RASIP1: variants seen among roughly 807,000 people sequenced by gnomAD.
RASIP1 encodes Ras interacting protein 1, also known as ras-interacting protein 1.
In RASIP1, 20 loss-of-function variants were observed where a neutral mutation model predicts 85.3. That is an observed-to-expected ratio of 0.23 (90% CI 0.17 to 0.34). RASIP1 has a LOEUF of 0.34. Among genes scored for constraint, RASIP1 ranks in the 10% least tolerant of loss-of-function variants. The probability of loss-of-function intolerance (pLI) is 1.00; values close to 1 mark genes in which losing one functional copy is unlikely to be tolerated. For missense variants in RASIP1, 1,170 were observed against 1,390.9 expected (o/e 0.84, Z 2.53); for synonymous variants, 617 against 647.1 (o/e 0.95, Z 0.71).
chr19:48,727,741 C>T (rs939406716), intron 5 of RASIP1, among the ~76,000 whole-genome samples: 7 of 145,596 alleles, frequency 4.8e-5, no homozygotes, highest in Admixed American at 2.2e-4. Flanking sequence ...GGCTGGGGTG[C>T]AATGGCTCAA....
At position 48,739,381 on chromosome 19, in the gene RASIP1, C is replaced by G; in HGVS notation, c.402G>C (p.Glu134Asp). The G allele has an allele frequency of 1.5e-6, 2 of 1,343,712 alleles. No individual in the cohort carries two copies. The highest frequency in any genetic ancestry group is 1.9e-6 in the Non-Finnish European group (2 of 1,052,808). The allele number at this position is 1,343,712 out of a possible 1,614,324, so 83.2% of individuals were successfully genotyped here. ...LPELAAGVAP[E>D]PPLATRATAP... ...CCGTGGCGCGGGTAGCCAGCGGGGG[C>G]TCGGGGGCCACGCCCGCCGCCAGCT... is the stretch of plus-strand genomic sequence containing the variant. Residue 134 changes from glutamate (E) to aspartate (D), a missense_variant, in exon 3 of 12, where the codon GAG (glutamate) becomes GAC (aspartate). This residue lies in a region of RASIP1 where 299 missense variants were observed against 394.4 expected (regional missense o/e 0.76). Coordinates refer to ENST00000222145, the MANE Select transcript of RASIP1 (RefSeq NM_017805.3). The surrounding 1 kb of genome is among the most constrained non-coding windows in gnomAD (Gnocchi z 9.2).
At position 48,729,537 on chromosome 19, in the gene RASIP1, C is replaced by T. The variant is rs756701503; in HGVS notation, c.1233G>A (p.Gly411=). 17 of 1,601,972 alleles carry T rather than the reference C, an allele frequency of 1.1e-5. No individual in the cohort carries two copies. The South Asian group carries it at 1.7e-4, about 16-fold the overall frequency. The change falls in exon 5 of 12, where the codon GGG becomes GGA. Residue 411 remains glycine, a synonymous_variant. Coordinates refer to ENST00000222145, the MANE Select transcript of RASIP1 (RefSeq NM_017805.3). ...TREQHVFGRG[G]NSSGRGGSPA... is the part of the protein sequence containing the mutation. ...GGGACCCCCCGCGGCCAGACGAGTT[C>T]CCACCTCGCCCAAACACGTGCTGCT...
At chr19:48,725,984 T>C (rs919989256) in intron 8 of RASIP1, among the ~76,000 whole-genome samples, 6 of 152,166 alleles carry the variant, frequency 3.9e-5, no homozygotes, top group Non-Finnish European at 8.8e-5. Context: ...TGGAGTGCAA[T>C]GGTGCGATTT....
At position 48,724,442 on chromosome 19, in the gene RASIP1, C is replaced by A. The variant is rs759308932; in HGVS notation, c.2439G>T (p.Leu813Phe). Residue 813 changes from leucine to phenylalanine, a missense_variant, in exon 10 of 12, where the codon TTG becomes TTT. Leu to Phe is a conservative substitution (Grantham distance 22). Around this residue, in one of 4 missense-constraint regions of RASIP1, gnomAD observed 426 missense variants for 576.2 expected, o/e 0.74. Transcript: ENST00000222145. The surrounding 1 kb of genome is among the most constrained non-coding windows in gnomAD (Gnocchi z 4.6). ...VQIRTNLDLV[L>F]DWLQGAGLGD... Reference sequence around the variant, plus strand: ...CCAGCCCAGCTCCCTGTAGCCAGTCCAAGACGAGGTCCAGGTTGGTTCGGA... The same window carrying A: ...CCAGCCCAGCTCCCTGTAGCCAGTCAAAGACGAGGTCCAGGTTGGTTCGGA... 7 of 1,614,112 alleles carry A rather than the reference C, an allele frequency of 4.3e-6. No homozygotes were observed. The East Asian group carries it at 1.3e-4, about 31-fold the overall frequency.
At chr19:48,725,081 C>T (rs1407107455) in intron 8 of RASIP1, 121 bp from the exon 9 acceptor site, 4 of 1,201,950 alleles carry the variant, frequency 3.3e-6, no homozygotes, top group African/African-American at 3.1e-5. Flanking sequence ...GTAGTCCATT[C>T]TACAGTCAAC....
intron 4 of RASIP1, among the ~76,000 whole-genome samples, chr19:48,730,031 T>C (rs752614620): frequency 1.3e-5 from 2 of 151,976 alleles, no homozygotes; most frequent in Non-Finnish European, 2.9e-5. Context: ...CGACTTTGAA[T>C]AGACACTCCA....
At position 48,727,378 on chromosome 19, in the gene RASIP1, C is replaced by T; in HGVS notation, c.1871+15G>A. On this transcript the variant is annotated intron_variant, in intron 6 of 11. Coordinates refer to ENST00000222145, the MANE Select transcript of RASIP1 (RefSeq NM_017805.3). Reference sequence around the variant, plus strand: ...CTGCATCCCTCCAGACCACTCTGCTCAGAATTTCTCTTACTTTTCTGGCTG... The same window carrying T: ...CTGCATCCCTCCAGACCACTCTGCTTAGAATTTCTCTTACTTTTCTGGCTG... 1 of 1,613,286 alleles carries T rather than the reference C, an allele frequency of 6.2e-7. No individual in the cohort carries two copies. The highest frequency in any genetic ancestry group is 1.1e-5 in the South Asian group (1 of 91,052).
intron 10 of RASIP1, among the ~76,000 whole-genome samples, chr19:48,722,582 C>T (rs1034762627): frequency 6.6e-6 from 1 of 152,110 alleles, no homozygotes. Flanking sequence ...TGAGCCACTG[C>T]GCCCAGTTGG....
chr19:48,722,478 C>T (rs368421875), intron 10 of RASIP1, among the ~76,000 whole-genome samples: 17 of 151,892 alleles, frequency 1.1e-4, no homozygotes, highest in African/African-American at 4.1e-4. Context: ...TACAGGCACA[C>T]GCCACCACAC....
rs1271598762 is a variant in RASIP1, at chr19:48,729,211, CAGG to C, written c.1556_1558del (p.Ser519del). On this transcript the variant is annotated inframe_deletion, in exon 5 of 12. Coordinates refer to ENST00000222145, the MANE Select transcript of RASIP1 (RefSeq NM_017805.3). ...CTGCAGGCCGCGGCCGCACAGGCGA[CAGG>C]AGAAGGCCCAGCCAGGGCCTGGCGG... 7.4e-7 allele frequency: 1 copy of C among 1,353,848 alleles called. No homozygotes were observed. Among genetic ancestry groups the C allele is most frequent in the Admixed American group, 4.1e-5 (1 of 24,246 alleles). 83.9% of individuals were successfully genotyped at this position (1,353,848 alleles called of 1,614,324 possible).
At chr19:48,735,961 A>C (rs1315202523) in intron 3 of RASIP1, among the ~76,000 whole-genome samples, 2 of 151,318 alleles carry the variant, frequency 1.3e-5, no homozygotes, top group African/African-American at 4.9e-5. Flanking sequence ...ACGCCCGGTT[A>C]ATTTTTGTAT....
rs139083976 is a variant in RASIP1 at position 48,731,114 on chromosome 19, A to C, written c.1180-1524T>G. Among the ~76,000 whole-genome samples, 1,333 of 152,224 alleles carry C rather than the reference A, an allele frequency of 8.8e-3. 23 individuals are homozygous for C. Among genetic ancestry groups the C allele is most frequent in the African/African-American group, 0.03 (1,262 of 41,532 alleles). Reference sequence around the variant, plus strand: ...ACGTGGAGAAACCCTCTCTCTACTAAAAATACAAAATTAGCCAGGTGAGGT... The same window carrying C: ...ACGTGGAGAAACCCTCTCTCTACTACAAATACAAAATTAGCCAGGTGAGGT... On this transcript the variant is annotated intron_variant, in intron 4 of 11. Transcript: ENST00000222145.
chr19:48,734,965 CA>C (rs1314746154), intron 4 of RASIP1, among the ~76,000 whole-genome samples: 2 of 152,196 alleles, frequency 1.3e-5, no homozygotes, highest in African/African-American at 4.8e-5. Flanking sequence ...TGCTTTCCTC[CA>C]ACTTTGAATA....
chr19:48,728,859 G>C, intron 5 of RASIP1, 78 bp downstream of exon 5: 1 of 1,336,756 alleles, frequency 7.5e-7, no homozygotes, highest in Non-Finnish European at 9.6e-7. Flanking sequence ...CTATGAAAAG[G>C]GTTGAAGGTA....
chr19:48,735,359 T>TGCCGCC lies in RASIP1; in HGVS notation c.1010_1015dup (p.Arg337_Arg338dup). ...AAGTGCCTGCTGTCTCCGCTCCTGC[T>TGCCGCC]GCCGCCGCCGCCGCCCCTGAAGGCT... On this transcript the variant is annotated inframe_insertion, in exon 4 of 12. Coordinates refer to ENST00000222145, the MANE Select transcript of RASIP1 (RefSeq NM_017805.3). The TGCCGCC allele has an allele frequency of 1.9e-6, 3 of 1,612,666 alleles. No homozygotes were observed. The highest frequency in any genetic ancestry group is 8.5e-7 in the Non-Finnish European group (1 of 1,179,794).
rs777211305 is a variant in RASIP1 at position 48,729,465 on chromosome 19, C to T, written c.1305G>A (p.Pro435=). Residue 435 remains proline (P), a synonymous_variant, in exon 5 of 12, where the codon CCG becomes CCA. Transcript: ENST00000222145. ...DTFLNAPDIL[P]RHCTVRAGPE... is the part of the protein sequence containing the mutation. Reference sequence around the variant, plus strand: ...GGCCCGCGCGCACTGTGCAGTGACGCGGCAGGATGTCCGGGGCGTTGAGGA... The same window carrying T: ...GGCCCGCGCGCACTGTGCAGTGACGTGGCAGGATGTCCGGGGCGTTGAGGA... 27 of 1,573,984 alleles carry T rather than the reference C, an allele frequency of 1.7e-5. No individual in the cohort carries two copies. Among genetic ancestry groups the T allele is most frequent in the African/African-American group, 2.7e-5 (2 of 73,862 alleles).
intron 4 of RASIP1, among the ~76,000 whole-genome samples, chr19:48,733,769 T>G (rs2033508143): frequency 6.8e-6 from 1 of 146,922 alleles, no homozygotes; most frequent in Non-Finnish European, 1.5e-5. Context: ...ATCGCACCAC[T>G]GCAGTCCGGC....
intron 8 of RASIP1, among the ~76,000 whole-genome samples, chr19:48,726,545 AAAG>A (rs1368357217): frequency 6.6e-6 from 1 of 152,216 alleles, no homozygotes; most frequent in Admixed American, 6.5e-5. Flanking sequence ...TTACAAAGGA[AAAG>A]AAGCCAGAAA....
Position 48,720,697 on chromosome 19 carries a change from G to A in RASIP1, c.*101C>T, listed in dbSNP as rs947209148. On this transcript the variant is annotated 3_prime_UTR_variant, in exon 12 of 12. Transcript: ENST00000222145. Reference sequence around the variant, plus strand: ...CTCAATCTCCCAACATTCCACGCGGGATAAGAACTACAACTCCCAGAAAGC... The same window carrying A: ...CTCAATCTCCCAACATTCCACGCGGAATAAGAACTACAACTCCCAGAAAGC... The A allele has an allele frequency of 1.5e-6, 2 of 1,308,236 alleles. No individual in the cohort carries two copies. Among genetic ancestry groups the A allele is most frequent in the African/African-American group, 2.9e-5 (2 of 68,222 alleles). 81.0% of individuals were successfully genotyped at this position (1,308,236 alleles called of 1,614,324 possible).
Sources: allele counts gnomAD v4.1 joint callset (sites outside exome capture counted in the v4.1 genomes callset), GRCh38; gene constraint gnomAD v4.1.1; regional missense constraint gnomAD v4.1.1; non-coding constraint Gnocchi (gnomAD v3.1); transcripts MANE v1.5; gene names NCBI Gene and HGNC (gene_info 2026-07-23, HGNC 2026-07-21).